PARN: variants seen among roughly 807,000 people sequenced by gnomAD.
PARN encodes poly(A)-specific ribonuclease.
PARN carries 71 observed loss-of-function variants against 102.8 expected under a neutral mutation model. The observed-to-expected ratio is 0.69, with a 90% CI of 0.57 to 0.84. The LOEUF is 0.84. Among genes scored for constraint, PARN ranks in the 40% least tolerant of loss-of-function variants. The probability of loss-of-function intolerance (pLI) is 0.00; values close to 1 mark genes in which losing one functional copy is unlikely to be tolerated. For synonymous variants in PARN, 261 were observed against 252.9 expected, an observed-to-expected ratio of 1.03 and a Z score of -0.30; for missense variants, 782 against 760.9, an observed-to-expected ratio of 1.03 and a Z score of -0.33.
chr16:14,474,161 T>TTTTGTTTG lies in PARN; in HGVS notation c.1670+8469_1670+8476dup, dbSNP rs35660085. On this transcript the variant is annotated intron_variant, in intron 22 of 23. Coordinates refer to ENST00000437198, the MANE Select transcript of PARN (RefSeq NM_002582.4). ...GCATGGGCCACCATGCCTGGCTAAT[T>TTTTGTTTG]TTTGTTTGTTTGTTTGTTTGTTTTT... is the stretch of plus-strand genomic sequence containing the variant. Among the ~76,000 whole-genome samples, 5 of 151,546 alleles carry TTTTGTTTG rather than the reference T, an allele frequency of 3.3e-5. No homozygotes were observed. In the South Asian group the frequency reaches 8.4e-4, roughly 25 times the overall value.
rs1233213556 is a variant in PARN, at chr16:14,563,516, G to A, written c.1263-7807C>T. The stretch of plus-strand genomic sequence containing the variant: ...TGTGTGTGTGTGTGTGTGTGTGTGT[G>A]TGTGTGTATATAATTCTTTTAAGTT... On this transcript the variant is annotated intron_variant, in intron 18 of 23. Coordinates refer to ENST00000437198, the MANE Select transcript of PARN (RefSeq NM_002582.4). Among the ~76,000 whole-genome samples the A allele has an allele frequency of 2.0e-4, 16 of 80,252 alleles. 1 individual carries two copies. The highest frequency in any genetic ancestry group is 6.3e-4 in the African/African-American group (12 of 19,056). 52.6% of individuals were successfully genotyped at this position (80,252 alleles called of 152,430 possible). A position where few individuals can be genotyped will look rare whatever the true frequency, so the allele number is the denominator to read the frequency against.
intron 11 of PARN, among the ~76,000 whole-genome samples, chr16:14,603,233 C>T (rs559770322): frequency 1.3e-5 from 2 of 152,194 alleles, no homozygotes; most frequent in African/African-American, 4.8e-5. Flanking sequence ...TGGCCTCTAA[C>T]TGGCACCTTT....
At chr16:14,608,924 T>C in intron 8 of PARN, 134 bp downstream of exon 8, 1 of 626,478 alleles carries the variant, frequency 1.6e-6, no homozygotes, top group Admixed American at 3.1e-5. Flanking sequence ...AAAGTTAGTG[T>C]TTAATTCTTG....
At chr16:14,451,796 C>A (rs55877340) in intron 22 of PARN, among the ~76,000 whole-genome samples, 2,340 of 136,086 alleles carry the variant, frequency 0.017, 30 homozygotes, top group South Asian at 0.031. Context: ...ATTGCTTGAG[C>A]CCAGGAGTTC....
chr16:14,510,159 A>G (rs778566157), intron 21 of PARN, among the ~76,000 whole-genome samples: 1 of 152,194 alleles, frequency 6.6e-6, no homozygotes, highest in Non-Finnish European at 1.5e-5. Context: ...GACTCTCCTC[A>G]AAGGAAAGAA....
chr16:14,514,701 G>C (rs573327233), intron 21 of PARN, among the ~76,000 whole-genome samples: 5 of 152,316 alleles, frequency 3.3e-5, no homozygotes, highest in African/African-American at 1.2e-4. Context: ...CTATGAACTG[G>C]AGTAACTTTT....
At chr16:14,528,674 A>C (rs1966146000) in intron 21 of PARN, among the ~76,000 whole-genome samples, 1 of 152,194 alleles carries the variant, frequency 6.6e-6, no homozygotes, top group South Asian at 2.1e-4. Flanking sequence ...TATGTCGAGA[A>C]CTTTACCTTC....
At chr16:14,452,214 T>G (rs145373547) in intron 22 of PARN, among the ~76,000 whole-genome samples, 2 of 152,324 alleles carry the variant, frequency 1.3e-5, no homozygotes, top group Admixed American at 6.5e-5. Flanking sequence ...ATGGTATTTT[T>G]GGCCAACAAG....
chr16:14,458,930 A>C (rs929634211), intron 22 of PARN, among the ~76,000 whole-genome samples: 1 of 152,160 alleles, frequency 6.6e-6, no homozygotes, highest in East Asian at 1.9e-4. Context: ...CATCCCCCAC[A>C]TACCGAGGAG....
intron 12 of PARN, among the ~76,000 whole-genome samples, chr16:14,596,171 A>T (rs1266217363): frequency 1.3e-5 from 2 of 152,128 alleles, no homozygotes; most frequent in African/African-American, 4.8e-5. Flanking sequence ...ATTAAGAGGA[A>T]CCAGAGCTCC....
intron 13 of PARN, among the ~76,000 whole-genome samples, chr16:14,586,787 C>T (rs1295439644): frequency 6.6e-6 from 1 of 152,124 alleles, no homozygotes; most frequent in East Asian, 1.9e-4. Context: ...ATGGTTTACA[C>T]AGGAAATGGG....
At chr16:14,560,921 C>T (rs946649007) in intron 18 of PARN, among the ~76,000 whole-genome samples, 2 of 152,102 alleles carry the variant, frequency 1.3e-5, no homozygotes, top group Non-Finnish European at 2.9e-5. Flanking sequence ...TCTGGGAGGC[C>T]GAGGCAGGTA....
At chr16:14,454,719 A>C (rs1292975516) in intron 22 of PARN, among the ~76,000 whole-genome samples, 20 of 152,226 alleles carry the variant, frequency 1.3e-4, no homozygotes, top group Admixed American at 1.0e-3. Flanking sequence ...TGTTTTTTCC[A>C]AATTCTCAAC....
chr16:14,616,310 G>T (rs774869129), intron 6 of PARN, among the ~76,000 whole-genome samples: 4 of 152,152 alleles, frequency 2.6e-5, no homozygotes, highest in Admixed American at 6.5e-5. Context: ...CTATGCAAGG[G>T]GATGTGAAAA....
intron 21 of PARN, among the ~76,000 whole-genome samples, chr16:14,489,067 T>TC: frequency 6.6e-6 from 1 of 151,804 alleles, no homozygotes; most frequent in Non-Finnish European, 1.5e-5. Context: ...ATAAATGCAA[T>TC]CCCCCTCACG....
chr16:14,488,531 G>A (rs1377849433), intron 21 of PARN, among the ~76,000 whole-genome samples: 1 of 152,134 alleles, frequency 6.6e-6, no homozygotes, highest in Non-Finnish European at 1.5e-5. Flanking sequence ...ACAAACTAGT[G>A]AGGAAACAAC....
intron 17 of PARN, among the ~76,000 whole-genome samples, chr16:14,581,783 C>G (rs1016951180): frequency 2.6e-5 from 4 of 152,148 alleles, no homozygotes; most frequent in African/African-American, 9.7e-5. Context: ...TAGCCAGGCA[C>G]AGTGATGCAC....
intron 22 of PARN, among the ~76,000 whole-genome samples, chr16:14,465,865 C>G (rs1297204907): frequency 6.6e-6 from 1 of 152,074 alleles, no homozygotes; most frequent in African/African-American, 2.4e-5. Flanking sequence ...ATGGATGGAG[C>G]TAAAGGCCAT....
intron 17 of PARN, among the ~76,000 whole-genome samples, chr16:14,581,412 G>C (rs1969526510): frequency 6.6e-6 from 1 of 152,046 alleles, no homozygotes; most frequent in Non-Finnish European, 1.5e-5. Context: ...GGTTTTTCTT[G>C]CAGATTTCCT....
Sources: allele counts gnomAD v4.1 joint callset (sites outside exome capture counted in the v4.1 genomes callset), GRCh38; gene constraint gnomAD v4.1.1; transcripts MANE v1.5; gene names NCBI Gene and HGNC (gene_info 2026-07-23, HGNC 2026-07-21).